The following TMEM132D variants were observed in gnomAD, a reference collection of about 807,000 sequenced individuals.
TMEM132D encodes the protein mature OL transmembrane protein.
TMEM132D carries 21 observed loss-of-function variants against 62.3 expected under a neutral mutation model. The ratio of observed to expected loss-of-function variants is 0.34; its 90% CI spans 0.24 to 0.49. The LOEUF (loss-of-function observed/expected upper bound fraction) is 0.49. TMEM132D is among the 20% of genes least tolerant of loss of function. The pLI, the probability that TMEM132D is intolerant of heterozygous loss-of-function variation, is 0.99. For synonymous variants in TMEM132D, 621 were observed against 575.6 expected, an observed-to-expected ratio of 1.08 and a Z score of -1.13; for missense variants, 1,346 against 1,402.8, an observed-to-expected ratio of 0.96 and a Z score of 0.65.
At chr12:129,642,583 A>C (rs899949242) in intron 2 of TMEM132D, among the ~76,000 whole-genome samples, 10 of 152,120 alleles carry the variant, frequency 6.6e-5, no homozygotes, top group African/African-American at 1.9e-4. Context: ...ATTTCTCTCT[A>C]TTTGGCTCTA....
chr12:129,343,298 CCAT>C (rs2135663109), intron 3 of TMEM132D, among the ~76,000 whole-genome samples: 1 of 152,084 alleles, frequency 6.6e-6, no homozygotes, highest in Non-Finnish European at 1.5e-5. Flanking sequence ...AAGCTGGAAA[CCAT>C]CATTCTCAGC....
In TMEM132D at chr12:129,206,189, T is replaced by A. The variant is rs1453713737; in HGVS notation, c.1443+3331A>T. Among the ~76,000 whole-genome samples, 6 of 152,124 alleles carry A rather than the reference T, an allele frequency of 3.9e-5. No individual in the cohort carries two copies. In the East Asian group the frequency reaches 1.2e-3, roughly 29 times the overall value. On this transcript the variant is annotated intron_variant, in intron 5 of 8. Transcript: ENST00000422113. ...AACCTACATACAGAATGGAAAAAAA[T>A]ATTTGCAAACTTAGCATCTGACAAA...
intron 2 of TMEM132D, among the ~76,000 whole-genome samples, chr12:129,692,395 T>A (rs1245185656): frequency 6.6e-6 from 1 of 152,198 alleles, no homozygotes; most frequent in Non-Finnish European, 1.5e-5. Flanking sequence ...GGGTCGTTTG[T>A]TTTTTCTTGT....
At chr12:129,196,511 C>T (rs1878557356) in intron 5 of TMEM132D, among the ~76,000 whole-genome samples, 1 of 152,120 alleles carries the variant, frequency 6.6e-6, no homozygotes, top group South Asian at 2.1e-4. Context: ...CCATGATTGG[C>T]AGTATTGGGG....
intron 4 of TMEM132D, among the ~76,000 whole-genome samples, chr12:129,268,821 T>C (rs899098245): frequency 1.3e-4 from 19 of 151,808 alleles, no homozygotes; most frequent in Non-Finnish European, 2.4e-4. Flanking sequence ...ATATACACCA[T>C]GGAATACTAT....
intron 4 of TMEM132D, among the ~76,000 whole-genome samples, chr12:129,237,562 A>G (rs1879819120): frequency 6.6e-6 from 1 of 151,996 alleles, no homozygotes; most frequent in African/African-American, 2.4e-5. Flanking sequence ...TCTGTTACTG[A>G]TCTTAAATTT....
chr12:129,185,773 G>GTGTCTGTCTGTCTGTCTGTCTATCTA (rs1555235286), intron 5 of TMEM132D, among the ~76,000 whole-genome samples: 1 of 135,924 alleles, frequency 7.4e-6, no homozygotes, highest in African/African-American at 2.7e-5. Context: ...CTGTCTGTCT[G>GTGTCTGTCTGTCTGTCTGTCTATCTA]TCTATCTATC....
intron 2 of TMEM132D, among the ~76,000 whole-genome samples, chr12:129,623,674 C>T (rs199957495): frequency 9.3e-6 from 1 of 108,058 alleles, no homozygotes; most frequent in Admixed American, 1.0e-4. Context: ...CATATATATA[C>T]ACATATATAT....
intron 2 of TMEM132D, among the ~76,000 whole-genome samples, chr12:129,682,124 C>T (rs986266256): frequency 6.6e-6 from 1 of 152,146 alleles, no homozygotes; most frequent in Non-Finnish European, 1.5e-5. Flanking sequence ...CAGAGGTAAT[C>T]TGCTACTTGT....
chr12:129,271,466 G>A (rs539884712), intron 4 of TMEM132D, among the ~76,000 whole-genome samples: 2 of 151,612 alleles, frequency 1.3e-5, no homozygotes, highest in East Asian at 1.9e-4. Flanking sequence ...ACAGGTATAC[G>A]TGTACCAGGG....
At chr12:129,898,563 A>C (rs1235354769) in intron 1 of TMEM132D, among the ~76,000 whole-genome samples, 1 of 152,252 alleles carries the variant, frequency 6.6e-6, no homozygotes, top group Non-Finnish European at 1.5e-5. Context: ...GGATCCTCCC[A>C]GTCCATCCGG....
At chr12:129,601,020 G>A (rs1160504924) in intron 2 of TMEM132D, among the ~76,000 whole-genome samples, 1 of 140,118 alleles carries the variant, frequency 7.1e-6, no homozygotes, top group Non-Finnish European at 1.6e-5. Context: ...AGTCCTAGAA[G>A]GCACCTTCTT....
chr12:129,469,262 G>A (rs1874020381), intron 3 of TMEM132D, among the ~76,000 whole-genome samples: 1 of 152,036 alleles, frequency 6.6e-6, no homozygotes, highest in African/African-American at 2.4e-5. Context: ...TTCCATTTTT[G>A]GTTTTCACTC....
intron 1 of TMEM132D, among the ~76,000 whole-genome samples, chr12:129,710,747 A>G (rs944379720): frequency 6.6e-6 from 1 of 152,204 alleles, no homozygotes; most frequent in Non-Finnish European, 1.5e-5. Context: ...AAAGAGGCGA[A>G]CACTTGAAAG....
At chr12:129,768,328 C>T (rs1208838520) in intron 1 of TMEM132D, among the ~76,000 whole-genome samples, 1 of 151,876 alleles carries the variant, frequency 6.6e-6, no homozygotes, top group Non-Finnish European at 1.5e-5. Context: ...TTTTACATTC[C>T]CATCAACATT....
chr12:129,171,169 G>A (rs993494130), intron 5 of TMEM132D, among the ~76,000 whole-genome samples: 4 of 152,152 alleles, frequency 2.6e-5, no homozygotes, highest in Admixed American at 6.5e-5. Context: ...TTTCAACGAC[G>A]TTCACAGTAT....
rs1881038412 is a variant in TMEM132D, at chr12:129,277,720, G to A, written c.1299+59914C>T. On this transcript the variant is annotated intron_variant, in intron 4 of 8. Coordinates refer to ENST00000422113, the MANE Select transcript of TMEM132D (RefSeq NM_133448.3). The surrounding 1 kb of genome is among the most constrained non-coding windows in gnomAD (Gnocchi z 4.2). ...TTTTCTTATCAGAATCATATCATAT[G>A]AAGAAAAAAACAACTTTTCCAGGAA... Among the ~76,000 whole-genome samples the A allele has an allele frequency of 6.6e-6, 1 of 152,070 alleles. No individual in the cohort carries two copies. The highest frequency in any genetic ancestry group is 1.5e-5 in the Non-Finnish European group (1 of 68,016).
chr12:129,790,234 G>C (rs1871365492), intron 1 of TMEM132D, among the ~76,000 whole-genome samples: 1 of 152,208 alleles, frequency 6.6e-6, no homozygotes, highest in African/African-American at 2.4e-5. Context: ...CAGTAGGAGT[G>C]TTACAGCTCT....
intron 4 of TMEM132D, among the ~76,000 whole-genome samples, chr12:129,234,584 C>T (rs1294851815): frequency 2.0e-5 from 3 of 152,182 alleles, no homozygotes; most frequent in East Asian, 1.9e-4. Flanking sequence ...GCCCCAAACA[C>T]AAAACCAGTA....
Sources: allele counts gnomAD v4.1 joint callset (sites outside exome capture counted in the v4.1 genomes callset), GRCh38; gene constraint gnomAD v4.1.1; non-coding constraint Gnocchi (gnomAD v3.1); transcripts MANE v1.5; gene names NCBI Gene and HGNC (gene_info 2026-07-23, HGNC 2026-07-21).